GLDC: variants seen among roughly 807,000 people sequenced by gnomAD.
GLDC encodes the protein glycine dehydrogenase (decarboxylating), mitochondrial.
A neutral mutation model predicts 121.3 loss-of-function variants in GLDC; 104 were observed. That is an observed-to-expected ratio of 0.86 (90% CI 0.73 to 1.01). The LOEUF is 1.01. Among genes scored for constraint, GLDC ranks in the 50% least tolerant of loss-of-function variants. The pLI is 0.00. For missense variants in GLDC, 1,429 were observed against 1,306.6 expected (o/e 1.09, Z -1.44); for synonymous variants, 546 against 480.6 (o/e 1.14, Z -1.78).
chr9:6,608,423 A>G (rs1326452528), intron 4 of GLDC, among the ~76,000 whole-genome samples: 1 of 149,254 alleles, frequency 6.7e-6, no homozygotes, highest in Non-Finnish European at 1.5e-5. Flanking sequence ...CTCTGTCTCA[A>G]AAAAAACAAA....
chr9:6,624,066 A>C (rs2129963968), intron 2 of GLDC, among the ~76,000 whole-genome samples: 1 of 152,316 alleles, frequency 6.6e-6, no homozygotes, highest in South Asian at 2.1e-4. Flanking sequence ...GGATAGTATG[A>C]TTCTTTTTAC....
chr9:6,570,066 T>C (rs1817927997), intron 15 of GLDC, among the ~76,000 whole-genome samples: 1 of 152,222 alleles, frequency 6.6e-6, no homozygotes, highest in Non-Finnish European at 1.5e-5. Flanking sequence ...TATTTGGACA[T>C]GGGTCACTGT....
chr9:6,592,055 C>A, intron 11 of GLDC, 88 bp downstream of exon 11: 1 of 821,628 alleles, frequency 1.2e-6, no homozygotes, highest in Non-Finnish European at 2.2e-6. Flanking sequence ...ACACTTGGGC[C>A]CCTTCTCCCT....
chr9:6,593,991 C>A (rs957479750), intron 9 of GLDC, among the ~76,000 whole-genome samples: 1 of 151,984 alleles, frequency 6.6e-6, no homozygotes, highest in African/African-American at 2.4e-5. Context: ...CTGTGCCTGG[C>A]CTATTTCTAT....
chr9:6,645,204 G>A, intron 1 of GLDC, 41 bp downstream of exon 1: 10 of 1,540,950 alleles, frequency 6.5e-6, no homozygotes, highest in Non-Finnish European at 8.8e-6. Flanking sequence ...GCCCGGGCAG[G>A]GCGGAGGGGA....
intron 2 of GLDC, chr9:6,639,509 G>T (rs532874634): frequency 2.4e-6 from 2 of 836,122 alleles, no homozygotes; most frequent in Non-Finnish European, 4.1e-6. Flanking sequence ...ATGTGGCCAA[G>T]GGCAACACCC....
intron 21 of GLDC, among the ~76,000 whole-genome samples, chr9:6,545,128 C>T (rs1229456569): frequency 6.6e-6 from 1 of 151,680 alleles, no homozygotes; most frequent in East Asian, 1.9e-4. Context: ...AAAGTATCAT[C>T]TTACCTGAGG....
At chr9:6,638,428 T>C (rs138841082) in intron 2 of GLDC, among the ~76,000 whole-genome samples, 156 of 152,170 alleles carry the variant, frequency 1.0e-3, no homozygotes, top group African/African-American at 3.6e-3. Context: ...TTGGTCAGGC[T>C]GGTCTTGAAC....
intron 9 of GLDC, among the ~76,000 whole-genome samples, chr9:6,594,381 G>A (rs192847466): frequency 1.3e-5 from 2 of 151,968 alleles, no homozygotes; most frequent in Admixed American, 1.3e-4. Context: ...CTTGCCAGGA[G>A]TAAAAGAGAA....
intron 5 of GLDC, 138 bp from the exon 6 acceptor site, chr9:6,605,416 C>T: frequency 1.3e-6 from 1 of 783,804 alleles, no homozygotes; most frequent in South Asian, 1.5e-5. Flanking sequence ...ACATCCCGTC[C>T]CACAGGCACT....
At chr9:6,588,364 C>T (rs755369682) in intron 14 of GLDC, 37 bp downstream of exon 14, 14 of 1,498,466 alleles carry the variant, frequency 9.3e-6, no homozygotes, top group African/African-American at 1.4e-5. Flanking sequence ...AACACTGCCC[C>T]TTGCTGAGTA....
chr9:6,568,933 G>C (rs1817902117), intron 15 of GLDC: 1 of 152,224 alleles, frequency 6.6e-6, no homozygotes, highest in Non-Finnish European at 1.5e-5. Context: ...GCTTAATGCA[G>C]AATGGGGAAA....
chr9:6,644,541 G>T, intron 2 of GLDC, 73 bp downstream of exon 2: 1 of 1,046,932 alleles, frequency 9.6e-7, no homozygotes. Context: ...CCCAGAGCTC[G>T]ATTTTCAGGG....
At chr9:6,579,074 T>C (rs1818127295) in intron 15 of GLDC, among the ~76,000 whole-genome samples, 1 of 152,200 alleles carries the variant, frequency 6.6e-6, no homozygotes, top group African/African-American at 2.4e-5. Flanking sequence ...GCATATACTA[T>C]TCCTTTATAA....
chr9:6,540,020 G>C, intron 22 of GLDC, 31 bp downstream of exon 22: 1 of 1,355,932 alleles, frequency 7.4e-7, no homozygotes, highest in Non-Finnish European at 1.1e-6. Context: ...AGCCAGCATG[G>C]GCGGCGGCAT....
At chr9:6,618,443 G>T (rs1443067035) in intron 3 of GLDC, among the ~76,000 whole-genome samples, 1 of 152,002 alleles carries the variant, frequency 6.6e-6, no homozygotes, top group African/African-American at 2.4e-5. Context: ...AACTAGCTGC[G>T]ATTACAGGCA....
At chr9:6,639,389 C>G in intron 2 of GLDC, 3 of 871,176 alleles carry the variant, frequency 3.4e-6, no homozygotes. Flanking sequence ...ACGCTGACCA[C>G]TGAGTCGCCA....
intron 4 of GLDC, among the ~76,000 whole-genome samples, chr9:6,607,019 C>T (rs1400579726): frequency 6.6e-6 from 1 of 151,950 alleles, no homozygotes; most frequent in Non-Finnish European, 1.5e-5. Flanking sequence ...GCCAAGATTG[C>T]ACCGCTGCTG....
rs910464035 is a variant in GLDC, at chr9:6,587,417, T to C, written c.1708-134A>G. On this transcript the variant is annotated intron_variant, in intron 14 of 24. Transcript: ENST00000321612. ...TCTAAGCGCTATACATATGTTAATT[T>C]ATTTAAGTTCCACCACAACCTTATA... The C allele has an allele frequency of 1.9e-5, 13 of 702,496 alleles. No individual in the cohort carries two copies. The East Asian group carries it at 3.0e-4, about 16-fold the overall frequency. 43.5% of individuals were successfully genotyped at this position (702,496 alleles called of 1,614,324 possible).
Sources: gnomAD v4.1 joint callset for allele counts (sites outside exome capture counted in the v4.1 genomes callset) on GRCh38, gnomAD v4.1.1 for gene constraint, MANE v1.5 for transcripts, NCBI Gene and HGNC (gene_info 2026-07-23, HGNC 2026-07-21) for gene names.